NOS3: variants seen among roughly 807,000 people sequenced by gnomAD.
NOS3 encodes nitric oxide synthase 3.
In NOS3, 98 loss-of-function variants were observed where a neutral mutation model predicts 144.9. The observed-to-expected ratio is 0.68, with a 90% CI of 0.57 to 0.80. The LOEUF (loss-of-function observed/expected upper bound fraction) is 0.80, where lower values mean the gene tolerates loss of function less well. NOS3 is among the 30% of genes least tolerant of loss of function. NOS3 has a pLI of 0.00. For synonymous variants in NOS3, 714 were observed against 702.4 expected (o/e 1.02, Z -0.26); for missense variants, 1,465 against 1,656.4 (o/e 0.88, Z 2.01).
intron 10 of NOS3, among the ~76,000 whole-genome samples, chr7:151,000,823 C>G (rs1482258636): frequency 6.6e-6 from 1 of 152,124 alleles, no homozygotes; most frequent in Non-Finnish European, 1.5e-5. Context: ...TGCCAGGGAC[C>G]TTGCTGTTTA....
chr7:150,993,834 C>G lies in NOS3; in HGVS notation c.31C>G (p.Pro11Ala). MGNLKSVAQE[P>A]GPPCGLGLGL... ...CAACTTGAAGAGCGTGGCCCAGGAG[C>G]CTGGGCCACCCTGCGGCCTGGGGCT... is the stretch of plus-strand genomic sequence containing the variant. Residue 11 changes from proline (P) to alanine (A), a missense_variant, in exon 2 of 27, where the codon CCT becomes GCT. This residue lies in a region of NOS3 where 374 missense variants were observed against 377.0 expected (regional missense o/e 0.99). Coordinates refer to ENST00000297494, the MANE Select transcript of NOS3 (RefSeq NM_000603.5). This position sits in a 1 kb window ranked among gnomAD's most constrained non-coding sequence, Gnocchi z 4.0. 2 of 1,600,248 alleles carry G rather than the reference C, an allele frequency of 1.2e-6. No individual in the cohort carries two copies. Among genetic ancestry groups the G allele is most frequent in the African/African-American group, 1.4e-5 (1 of 73,872 alleles).
intron 15 of NOS3, 87 bp downstream of exon 15, chr7:151,006,581 T>C: frequency 3.4e-6 from 4 of 1,178,954 alleles, no homozygotes; most frequent in South Asian, 1.3e-5. Flanking sequence ...GCTCTCCCTC[T>C]GTGCCTCAAG....
At chr7:151,008,814 C>A in intron 17 of NOS3, 116 bp from the exon 18 acceptor site, 1 of 1,233,242 alleles carries the variant, frequency 8.1e-7, no homozygotes, top group Non-Finnish European at 1.1e-6. Context: ...GCGCCGGCCT[C>A]AGCCACTGGG....
In NOS3 at chr7:150,998,750, C is replaced by CG; in HGVS notation, c.816+75dup. The CG allele has an allele frequency of 6.5e-7, 1 of 1,541,118 alleles. No homozygotes were observed. Among genetic ancestry groups the CG allele is most frequent in the Non-Finnish European group, 8.8e-7 (1 of 1,137,660 alleles). ...ATGAGGAAACCAGTGGGAGAAGGCT[C>CG]GGGGGATCCAGGCAGGAAGAGGGGA... is the stretch of plus-strand genomic sequence containing the variant. On this transcript the variant is annotated intron_variant, in intron 7 of 26. Transcript: ENST00000297494. This position sits in a 1 kb window ranked among gnomAD's most constrained non-coding sequence, Gnocchi z 5.0.
intron 17 of NOS3, 33 bp downstream of exon 17, chr7:151,007,309 G>A: frequency 6.4e-7 from 1 of 1,563,320 alleles, no homozygotes; most frequent in South Asian, 1.2e-5. Context: ...TCTGACTCCT[G>A]CCCCCTGGGA....
chr7:151,006,223 A>C (rs1795204454), intron 14 of NOS3, among the ~76,000 whole-genome samples: 1 of 152,240 alleles, frequency 6.6e-6, no homozygotes, highest in Non-Finnish European at 1.5e-5. Context: ...CCCGGAGGGA[A>C]GATGGGGTGG....
At chr7:150,994,055 C>T (rs560511374) in intron 2 of NOS3, 94 bp downstream of exon 2, 33 of 1,364,828 alleles carry the variant, frequency 2.4e-5, no homozygotes, top group African/African-American at 1.0e-4. Context: ...GTAGCTGAGT[C>T]GGGAGGGCCA....
At position 151,002,354 on chromosome 7, in the gene NOS3, T is replaced by C. The variant is rs969890757; in HGVS notation, c.1752+50T>C. On this transcript the variant is annotated intron_variant, in intron 14 of 26. Coordinates refer to ENST00000297494, the MANE Select transcript of NOS3 (RefSeq NM_000603.5). The surrounding 1 kb of genome is among the most constrained non-coding windows in gnomAD (Gnocchi z 4.1). ...GCTGGGAATGAGGAGAGACTCAGAA[T>C]TGGAGTGACTGGGCAGGAACCTCTG... The C allele has an allele frequency of 3.4e-6, 3 of 875,016 alleles. No homozygotes were observed. Among genetic ancestry groups the C allele is most frequent in the South Asian group, 1.4e-5 (1 of 70,468 alleles). The allele number at this position is 875,016 out of a possible 1,614,324, so 54.2% of individuals were successfully genotyped here.
At position 151,002,692 on chromosome 7, in the gene NOS3, G is replaced by A. The variant is rs975706938; in HGVS notation, c.1752+388G>A. 11 of 214,732 alleles carry A rather than the reference G, an allele frequency of 5.1e-5. No individual in the cohort carries two copies. The East Asian group carries it at 1.1e-3, about 21-fold the overall frequency. 13.3% of individuals were successfully genotyped at this position (214,732 alleles called of 1,614,324 possible). ...AAAACAGGGATACGTCACTGAGGGCGGCTTCTAGGATGCGGGTAATGTTTC... is the reference window on the plus strand; with the variant it reads ...AAAACAGGGATACGTCACTGAGGGCAGCTTCTAGGATGCGGGTAATGTTTC... On this transcript the variant is annotated intron_variant, in intron 14 of 26. Coordinates refer to ENST00000297494, the MANE Select transcript of NOS3 (RefSeq NM_000603.5). The surrounding 1 kb of genome is among the most constrained non-coding windows in gnomAD (Gnocchi z 4.1).
At position 150,996,932 on chromosome 7, in the gene NOS3, C is replaced by T; in HGVS notation, c.582+7C>T. 6.4e-7 allele frequency: 1 copy of T among 1,556,344 alleles called. No individual in the cohort carries two copies. Among genetic ancestry groups the T allele is most frequent in the Non-Finnish European group, 8.7e-7 (1 of 1,150,982 alleles). The stretch of plus-strand genomic sequence containing the variant: ...CCAGTGGGGGAAGCTGCAGGTGCGG[C>T]TGGCCAGCGACTGAGAGACCCGGGC... On this transcript the variant is annotated splice_region_variant and intron_variant, in intron 5 of 26. Coordinates refer to ENST00000297494, the MANE Select transcript of NOS3 (RefSeq NM_000603.5).
In NOS3 at chr7:150,993,787, A is replaced by G. The variant is rs550579851; in HGVS notation, c.-17A>G. 55 of 1,581,288 alleles carry G rather than the reference A, an allele frequency of 3.5e-5. No homozygotes were observed. Among genetic ancestry groups the G allele is most frequent in the Middle Eastern group, 3.3e-4 (2 of 5,980 alleles). On this transcript the variant is annotated 5_prime_UTR_variant, in exon 2 of 27. Transcript: ENST00000297494. This position sits in a 1 kb window ranked among gnomAD's most constrained non-coding sequence, Gnocchi z 4.0. ...AGGGCTCTGCTGGAGCAGGCAGCAG[A>G]GTGGACGCACAGTAACATGGGCAAC...
chr7:151,013,563 C>T, intron 25 of NOS3, 161 bp from the exon 26 acceptor site: 1 of 934,730 alleles, frequency 1.1e-6, no homozygotes, highest in Non-Finnish European at 1.6e-6. Context: ...CCCGCCCCTG[C>T]CCCGCCCCTT....
At position 150,998,925 on chromosome 7, in the gene NOS3, C is replaced by T. The variant is rs560799583; in HGVS notation, c.817-21C>T. On this transcript the variant is annotated intron_variant, in intron 7 of 26. Coordinates refer to ENST00000297494, the MANE Select transcript of NOS3 (RefSeq NM_000603.5). This position sits in a 1 kb window ranked among gnomAD's most constrained non-coding sequence, Gnocchi z 5.0. Reference sequence around the variant, plus strand: ...GGCATGAGGCTCAGCCCCAGAACCCCCTCTGGCCCACTCCCCACAGCTCTG... The same window carrying T: ...GGCATGAGGCTCAGCCCCAGAACCCTCTCTGGCCCACTCCCCACAGCTCTG... The T allele has an allele frequency of 1.2e-6, 2 of 1,604,458 alleles. No individual in the cohort carries two copies. The highest frequency in any genetic ancestry group is 2.2e-5 in the East Asian group (1 of 44,764).
chr7:150,999,557 G>A (rs752309847), intron 9 of NOS3, among the ~76,000 whole-genome samples, 193 bp downstream of exon 9: 38 of 151,774 alleles, frequency 2.5e-4, no homozygotes, highest in Non-Finnish European at 5.0e-4. Context: ...TGTGTGTGGG[G>A]GTGTGAGTGG....
At position 150,991,100 on chromosome 7, in the gene NOS3, C is replaced by T. The variant is rs1802247086; in HGVS notation, c.-252C>T. On this transcript the variant is annotated 5_prime_UTR_variant, in exon 1 of 27. Transcript: ENST00000297494. The stretch of plus-strand genomic sequence containing the variant: ...AGACGAAGAGAACATGAAAGTTAAA[C>T]TTTAAGATGAAGAACAAAGCTGAAC... 1 of 152,250 alleles carries T rather than the reference C, an allele frequency of 6.6e-6. No individual in the cohort carries two copies. The highest frequency in any genetic ancestry group is 1.5e-5 in the Non-Finnish European group (1 of 68,062). 9.4% of individuals were successfully genotyped at this position (152,250 alleles called of 1,614,324 possible).
intron 14 of NOS3, 69 bp from the exon 15 acceptor site, chr7:151,006,356 TAC>T: frequency 3.8e-6 from 4 of 1,047,116 alleles, no homozygotes; most frequent in Non-Finnish European, 5.9e-6. Context: ...GATCAGCTGG[TAC>T]AGTTTTAAAC....
chr7:151,006,773 C>T, intron 15 of NOS3, 116 bp from the exon 16 acceptor site: 2 of 861,498 alleles, frequency 2.3e-6, no homozygotes, highest in Non-Finnish European at 3.8e-6. Context: ...CTCCCAAGGG[C>T]AGGGCCTTTC....
chr7:151,008,412 C>T (rs189069620), intron 17 of NOS3, among the ~76,000 whole-genome samples: 2 of 152,328 alleles, frequency 1.3e-5, no homozygotes, highest in African/African-American at 4.8e-5. Context: ...CCACACCCTC[C>T]CAGGGATCTG....
At chr7:150,994,702 C>G (rs1320996938) in intron 2 of NOS3, among the ~76,000 whole-genome samples, 1 of 152,152 alleles carries the variant, frequency 6.6e-6, no homozygotes, top group Non-Finnish European at 1.5e-5. Flanking sequence ...GCACCCTTGG[C>G]CTGAGTCCCT....
Sources: allele counts gnomAD v4.1 joint callset (sites outside exome capture counted in the v4.1 genomes callset), GRCh38; gene constraint gnomAD v4.1.1; regional missense constraint gnomAD v4.1.1; non-coding constraint Gnocchi (gnomAD v3.1); transcripts MANE v1.5; gene names NCBI Gene and HGNC (gene_info 2026-07-23, HGNC 2026-07-21).